Variants in HMBOX1 observed in about 807,000 individuals in gnomAD.
HMBOX1 encodes the protein homeobox containing 1.
Under a neutral mutation model 54.5 loss-of-function variants are expected in HMBOX1, and 14 were observed. The observed-to-expected ratio is 0.26, with a 90% CI of 0.17 to 0.40. The LOEUF is 0.40. Ranked by LOEUF, HMBOX1 falls within the 10% of genes least tolerant of loss-of-function variation. The probability of loss-of-function intolerance (pLI) is 1.00; values close to 1 mark genes in which losing one functional copy is unlikely to be tolerated. For missense variants in HMBOX1, 332 were observed against 514.4 expected (o/e 0.65, Z 3.43); for synonymous variants, 160 against 181.0 (o/e 0.88, Z 0.93).
intron 1 of HMBOX1, among the ~76,000 whole-genome samples, chr8:28,951,619 C>T (rs1283836574): frequency 6.6e-6 from 1 of 152,136 alleles, no homozygotes; most frequent in East Asian, 1.9e-4. Context: ...GTGGTTGTAT[C>T]ATACATGTTT....
intron 1 of HMBOX1, among the ~76,000 whole-genome samples, chr8:28,960,781 T>TTTTTTTTTTTTTTTTTG (rs1825420304): frequency 4.4e-5 from 2 of 45,356 alleles, no homozygotes; most frequent in Non-Finnish European, 9.3e-5. Flanking sequence ...TTTTTTTTTT[T>TTTTTTTTTTTTTTTTTG]TTTTTTTTTT....
chr8:29,049,148 GA>G (rs1202054061), intron 9 of HMBOX1, 100 bp downstream of exon 9: 1 of 1,461,100 alleles, frequency 6.8e-7, no homozygotes, highest in Non-Finnish European at 9.5e-7. Context: ...TGGGGGAGGG[GA>G]AACAGTCACT....
intron 6 of HMBOX1, among the ~76,000 whole-genome samples, chr8:29,039,462 CCTCA>C (rs974890795): frequency 6.6e-6 from 1 of 152,090 alleles, no homozygotes; most frequent in African/African-American, 2.4e-5. Flanking sequence ...ATGGTGAAAT[CCTCA>C]CTTTCTCCTG....
chr8:28,916,201 T>C (rs1330782221), intron 1 of HMBOX1, among the ~76,000 whole-genome samples: 1 of 152,222 alleles, frequency 6.6e-6, no homozygotes, highest in East Asian at 1.9e-4. Context: ...GTATCTGCCC[T>C]CTAAGTAAGG....
chr8:28,942,429 A>G (rs1821605410), intron 1 of HMBOX1, among the ~76,000 whole-genome samples: 1 of 152,234 alleles, frequency 6.6e-6, no homozygotes, highest in Non-Finnish European at 1.5e-5. Flanking sequence ...ACAGAATTCA[A>G]AAAGTACAAA....
At chr8:28,959,466 A>G (rs1042094164) in intron 1 of HMBOX1, among the ~76,000 whole-genome samples, 1 of 152,206 alleles carries the variant, frequency 6.6e-6, no homozygotes, top group African/African-American at 2.4e-5. Context: ...TCCACGTAAT[A>G]TTCTCGGACC....
intron 1 of HMBOX1, among the ~76,000 whole-genome samples, chr8:28,954,976 T>C (rs1245964803): frequency 6.6e-6 from 1 of 152,216 alleles, no homozygotes; most frequent in Non-Finnish European, 1.5e-5. Context: ...GACAGGTTCT[T>C]ATTCCTAATA....
chr8:28,988,511 T>A (rs1830484933), intron 4 of HMBOX1, among the ~76,000 whole-genome samples: 1 of 152,206 alleles, frequency 6.6e-6, no homozygotes, highest in Non-Finnish European at 1.5e-5. Context: ...TGCCAAACTG[T>A]TTTCCAGTGT....
At chr8:29,029,712 C>T (rs1485931656) in intron 6 of HMBOX1, among the ~76,000 whole-genome samples, 4 of 152,172 alleles carry the variant, frequency 2.6e-5, no homozygotes, top group Admixed American at 6.5e-5. Flanking sequence ...CTTACGGTTA[C>T]GGGAACCGTA....
At chr8:28,966,574 C>T (rs1826473568) in intron 2 of HMBOX1, among the ~76,000 whole-genome samples, 1 of 152,182 alleles carries the variant, frequency 6.6e-6, no homozygotes, top group African/African-American at 2.4e-5. Flanking sequence ...GCCATAAATT[C>T]GTGATTATAT....
At chr8:28,896,976 AG>A (rs1219213391) in intron 1 of HMBOX1, among the ~76,000 whole-genome samples, 3 of 147,822 alleles carry the variant, frequency 2.0e-5, no homozygotes, top group Non-Finnish European at 4.5e-5. Context: ...AATATTGGCT[AG>A]GTTTTTTTTT....
chr8:28,999,951 T>C (rs951232310), intron 4 of HMBOX1, among the ~76,000 whole-genome samples: 6 of 152,216 alleles, frequency 3.9e-5, no homozygotes, highest in Non-Finnish European at 7.3e-5. Flanking sequence ...TTTCTTTGCA[T>C]GTCTCATAAG....
intron 3 of HMBOX1, among the ~76,000 whole-genome samples, chr8:28,979,069 A>G (rs1247161008): frequency 6.6e-6 from 1 of 152,228 alleles, no homozygotes; most frequent in Non-Finnish European, 1.5e-5. Context: ...AATAGGTGGC[A>G]GGCTAGAATT....
At chr8:28,949,885 A>G (rs1321276916) in intron 1 of HMBOX1, 1 of 152,214 alleles carries the variant, frequency 6.6e-6, no homozygotes, top group Non-Finnish European at 1.5e-5. Flanking sequence ...GGAGGAAGGT[A>G]TTCTGGTTCA....
chr8:29,009,042 C>T, intron 4 of HMBOX1, 30 bp from the exon 5 acceptor site: 4 of 1,512,068 alleles, frequency 2.6e-6, no homozygotes, highest in South Asian at 1.2e-5. Context: ...ATTTCAGTGC[C>T]CCCCAAAACC....
intron 1 of HMBOX1, among the ~76,000 whole-genome samples, chr8:28,902,998 A>G (rs1438082103): frequency 6.6e-6 from 1 of 152,224 alleles, no homozygotes; most frequent in Non-Finnish European, 1.5e-5. Context: ...TCTTTCTTTA[A>G]CAATATATAA....
intron 1 of HMBOX1, among the ~76,000 whole-genome samples, chr8:28,916,172 A>G (rs897532341): frequency 2.6e-5 from 4 of 152,194 alleles, no homozygotes; most frequent in Non-Finnish European, 5.9e-5. Context: ...TCTTTAAGAA[A>G]GAAGACAGCA....
At chr8:28,913,962 C>G (rs1016465370) in intron 1 of HMBOX1, among the ~76,000 whole-genome samples, 10 of 151,684 alleles carry the variant, frequency 6.6e-5, no homozygotes, top group Non-Finnish European at 4.4e-5. Flanking sequence ...CCTGCATCTC[C>G]CAAATTCAAG....
intron 7 of HMBOX1, 35 bp downstream of exon 7, chr8:29,045,478 A>G: frequency 1.3e-6 from 2 of 1,534,050 alleles, no homozygotes; most frequent in Non-Finnish European, 1.8e-6. Context: ...TCTGCGGTGC[A>G]GCACAGCGCT....
Sources: gnomAD v4.1 joint callset for allele counts (sites outside exome capture counted in the v4.1 genomes callset) on GRCh38, gnomAD v4.1.1 for gene constraint, MANE v1.5 for transcripts, NCBI Gene and HGNC (gene_info 2026-07-23, HGNC 2026-07-21) for gene names.